SPATA31D3: variants seen among roughly 807,000 people sequenced by gnomAD.
The protein encoded by SPATA31D3 is spermatogenesis-associated protein 31D3.
For missense variants in SPATA31D3, 91 were observed against 297.9 expected, an observed-to-expected ratio of 0.31 and a Z score of 5.11; for synonymous variants, 27 against 107.8, an observed-to-expected ratio of 0.25 and a Z score of 4.65.
chr9:81,947,856 T>G lies in SPATA31D3; in HGVS notation c.2603T>G (p.Ile868Ser), dbSNP rs1278777467. 3 of 1,610,668 alleles carry G rather than the reference T, an allele frequency of 1.9e-6. No individual in the cohort carries two copies. The highest frequency in any genetic ancestry group is 1.3e-5 in the African/African-American group (1 of 74,254). Residue 868 changes from isoleucine (I) to serine (S), a missense_variant, in exon 4 of 4, where the codon ATT becomes AGT. Coordinates refer to ENST00000445385, the MANE Select transcript of SPATA31D3 (RefSeq NM_207416.3). ...ICLPEKSHSQ[I>S]KHRNLAALVS... ...CTTCCTGAGAAATCCCACAGCCAAA[T>G]TAAACATCGAAATTTGGCAGCATTG...
chr9:81,950,030 A>C lies in SPATA31D3; in HGVS notation c.*2023A>C, dbSNP rs562261554. On this transcript the variant is annotated 3_prime_UTR_variant, in exon 4 of 4. Coordinates refer to ENST00000445385, the MANE Select transcript of SPATA31D3 (RefSeq NM_207416.3). Reference sequence around the variant, plus strand: ...TTTGCAGGGAGGAAAATTTCCCCCCAAAAAATAATTAACTCCTTGTTGAGA... The same window carrying C: ...TTTGCAGGGAGGAAAATTTCCCCCCCAAAAATAATTAACTCCTTGTTGAGA... The C allele has an allele frequency of 5.3e-4, 172 of 326,562 alleles. 1 individual carries two copies. In the South Asian group the frequency reaches 7.0e-3, roughly 13 times the overall value. 20.2% of individuals were successfully genotyped at this position (326,562 alleles called of 1,614,324 possible).
chr9:81,947,133 AGAAAGTGCAG>A lies in SPATA31D3; in HGVS notation c.1888_1897del (p.Gln630CysfsTer48). On this transcript the variant is annotated frameshift_variant, in exon 4 of 4. Coordinates refer to ENST00000445385, the MANE Select transcript of SPATA31D3 (RefSeq NM_207416.3). LOFTEE classifies it low-confidence loss of function (END_TRUNC). ...AATCATCTGGAGTGGAACGTGTTGC[AGAAAGTGCAG>A]GAAAGTGTGTGGGGTTTACCCTCTG... 3.9e-6 allele frequency: 1 copy of A among 256,638 alleles called. No individual in the cohort carries two copies. Among genetic ancestry groups the A allele is most frequent in the Non-Finnish European group, 6.4e-6 (1 of 157,072 alleles). 15.9% of individuals were successfully genotyped at this position (256,638 alleles called of 1,614,324 possible).
chr9:81,948,164 G>C lies in SPATA31D3; in HGVS notation c.*157G>C. 7.2e-7 allele frequency: 1 copy of C among 1,393,872 alleles called. No individual in the cohort carries two copies. Among genetic ancestry groups the C allele is most frequent in the South Asian group, 1.3e-5 (1 of 77,976 alleles). 86.3% of individuals were successfully genotyped at this position (1,393,872 alleles called of 1,614,324 possible). A position where few individuals can be genotyped will look rare whatever the true frequency, so the allele number is the denominator to read the frequency against. On this transcript the variant is annotated 3_prime_UTR_variant, in exon 4 of 4. Transcript: ENST00000445385. ...AAAGATGGGGTCTCTAAGTCTTGTA[G>C]ACGAAGCACTTTTCAAGGAGAAAAG...
rs201659948 is a variant in SPATA31D3 at position 81,947,944 on chromosome 9, A to G, written c.2691A>G (p.Gln897=). 6.3e-6 allele frequency: 10 copies of G among 1,598,804 alleles called. No individual in the cohort carries two copies. In the South Asian group the frequency reaches 9.0e-5, roughly 14 times the overall value. Residue 897 remains glutamine (Q), a synonymous_variant, in exon 4 of 4, where the codon CAA becomes CAG. Transcript: ENST00000445385. ...QEMSFLSSNK[Q]KMLEAHIKSF... The stretch of plus-strand genomic sequence containing the variant: ...TGTCCTTCCTTAGTTCCAACAAACA[A>G]AAGATGTTGGAAGCCCATATTAAAT...
chr9:81,949,150 T>C lies in SPATA31D3; in HGVS notation c.*1143T>C, dbSNP rs1331821941. On this transcript the variant is annotated 3_prime_UTR_variant, in exon 4 of 4. Coordinates refer to ENST00000445385, the MANE Select transcript of SPATA31D3 (RefSeq NM_207416.3). ...GGTCCCTACGCATGTCTTACAGAAA[T>C]GCCAAGTTAAGAATTTTTCACCAGC... The C allele has an allele frequency of 5.3e-6, 3 of 566,790 alleles. No homozygotes were observed. The highest frequency in any genetic ancestry group is 3.2e-6 in the Non-Finnish European group (1 of 309,368). 35.1% of individuals were successfully genotyped at this position (566,790 alleles called of 1,614,324 possible). A position where few individuals can be genotyped will look rare whatever the true frequency, so the allele number is the denominator to read the frequency against.
chr9:81,949,741 G>A lies in SPATA31D3; in HGVS notation c.*1734G>A. 7.1e-7 allele frequency: 1 copy of A among 1,407,936 alleles called. No individual in the cohort carries two copies. Among genetic ancestry groups the A allele is most frequent in the South Asian group, 1.2e-5 (1 of 86,698 alleles). The allele number at this position is 1,407,936 out of a possible 1,614,324, so 87.2% of individuals were successfully genotyped here. A position where few individuals can be genotyped will look rare whatever the true frequency, so the allele number is the denominator to read the frequency against. On this transcript the variant is annotated 3_prime_UTR_variant, in exon 4 of 4. Coordinates refer to ENST00000445385, the MANE Select transcript of SPATA31D3 (RefSeq NM_207416.3). The stretch of plus-strand genomic sequence containing the variant: ...ATGTACCAAATCTTGCAGCCAACAA[G>A]CTATCTTTGTCGGCCAGAATTATCC...
Position 81,949,553 on chromosome 9 carries a change from A to C in SPATA31D3, c.*1546A>C. On this transcript the variant is annotated 3_prime_UTR_variant, in exon 4 of 4. Coordinates refer to ENST00000445385, the MANE Select transcript of SPATA31D3 (RefSeq NM_207416.3). Reference sequence around the variant, plus strand: ...AAAGACACTGGGGAGTTCATAGAAGAGAAGCTGGGGCATAGACATTGAATA... The same window carrying C: ...AAAGACACTGGGGAGTTCATAGAAGCGAAGCTGGGGCATAGACATTGAATA... 3.3e-6 allele frequency: 2 copies of C among 598,988 alleles called. No individual in the cohort carries two copies. The highest frequency in any genetic ancestry group is 6.2e-6 in the Non-Finnish European group (2 of 320,836). The allele number at this position is 598,988 out of a possible 1,614,324, so 37.1% of individuals were successfully genotyped here. A position where few individuals can be genotyped will look rare whatever the true frequency, so the allele number is the denominator to read the frequency against.
rs1824007895 is a variant in SPATA31D3 at position 81,949,990 on chromosome 9, A to T, written c.*1983A>T. On this transcript the variant is annotated 3_prime_UTR_variant, in exon 4 of 4. Transcript: ENST00000445385. The stretch of plus-strand genomic sequence containing the variant: ...ATGTGCCTTTACTAACTGGACAGAA[A>T]ATACTTCCAAAGCATTTGCAGGGAG... The T allele has an allele frequency of 2.6e-6, 1 of 383,088 alleles. No individual in the cohort carries two copies. Among genetic ancestry groups the T allele is most frequent in the South Asian group, 6.0e-5 (1 of 16,626 alleles). The allele number at this position is 383,088 out of a possible 1,614,324, so 23.7% of individuals were successfully genotyped here. A position where few individuals can be genotyped will look rare whatever the true frequency, so the allele number is the denominator to read the frequency against.
Position 81,949,785 on chromosome 9 carries a change from C to T in SPATA31D3, c.*1778C>T, listed in dbSNP as rs113151834. 7.6e-7 allele frequency: 1 copy of T among 1,324,320 alleles called. No homozygotes were observed. Among genetic ancestry groups the T allele is most frequent in the Non-Finnish European group, 1.1e-6 (1 of 921,542 alleles). The allele number at this position is 1,324,320 out of a possible 1,614,324, so 82.0% of individuals were successfully genotyped here. A position where few individuals can be genotyped will look rare whatever the true frequency, so the allele number is the denominator to read the frequency against. ...ATTATCCTGCAATGATTAGACAGAT[C>T]ATAGACAAGGACAGATAGCCCCAGG... On this transcript the variant is annotated 3_prime_UTR_variant, in exon 4 of 4. Coordinates refer to ENST00000445385, the MANE Select transcript of SPATA31D3 (RefSeq NM_207416.3).
rs903642129 is a variant in SPATA31D3 at position 81,949,758 on chromosome 9, G to T, written c.*1751G>T. The T allele has an allele frequency of 1.2e-5, 16 of 1,385,278 alleles. No homozygotes were observed. In the African/African-American group the frequency reaches 2.3e-4, roughly 20 times the overall value. The allele number at this position is 1,385,278 out of a possible 1,614,324, so 85.8% of individuals were successfully genotyped here. On this transcript the variant is annotated 3_prime_UTR_variant, in exon 4 of 4. Coordinates refer to ENST00000445385, the MANE Select transcript of SPATA31D3 (RefSeq NM_207416.3). The stretch of plus-strand genomic sequence containing the variant: ...GCCAACAAGCTATCTTTGTCGGCCA[G>T]AATTATCCTGCAATGATTAGACAGA...
In SPATA31D3 at chr9:81,948,044, C is replaced by T. The variant is rs774596726; in HGVS notation, c.*37C>T. On this transcript the variant is annotated 3_prime_UTR_variant, in exon 4 of 4. Coordinates refer to ENST00000445385, the MANE Select transcript of SPATA31D3 (RefSeq NM_207416.3). ...GGCCTTCCCCGCAAGATCCGTGAAC[C>T]CACAGAAATCTTCAAATCAGAAGAG... The T allele has an allele frequency of 3.1e-6, 5 of 1,599,644 alleles. No homozygotes were observed. In the South Asian group the frequency reaches 4.5e-5, roughly 14 times the overall value.
At position 81,949,870 on chromosome 9, in the gene SPATA31D3, G is replaced by A; in HGVS notation, c.*1863G>A. The A allele has an allele frequency of 1.2e-6, 1 of 832,680 alleles. No homozygotes were observed. The highest frequency in any genetic ancestry group is 1.6e-5 in the South Asian group (1 of 61,146). 51.6% of individuals were successfully genotyped at this position (832,680 alleles called of 1,614,324 possible). ...AGGCATCCCCAATCCATGCCCCACAGGAAGCCTGTGCCACAGCCAAACCCC... is the reference window on the plus strand; with the variant it reads ...AGGCATCCCCAATCCATGCCCCACAAGAAGCCTGTGCCACAGCCAAACCCC... On this transcript the variant is annotated 3_prime_UTR_variant, in exon 4 of 4. Transcript: ENST00000445385.
Position 81,949,411 on chromosome 9 carries a change from G to A in SPATA31D3, c.*1404G>A. 8.1e-6 allele frequency: 3 copies of A among 368,804 alleles called. No homozygotes were observed. The South Asian group carries it at 1.0e-4, about 13-fold the overall frequency. 22.8% of individuals were successfully genotyped at this position (368,804 alleles called of 1,614,324 possible). On this transcript the variant is annotated 3_prime_UTR_variant, in exon 4 of 4. Transcript: ENST00000445385. ...GTCTAATAAACCCATCATAACATAT[G>A]GAAAACAAGAAAGTTCCTAGGAAAA...
chr9:81,948,084 C>T lies in SPATA31D3; in HGVS notation c.*77C>T. On this transcript the variant is annotated 3_prime_UTR_variant, in exon 4 of 4. Coordinates refer to ENST00000445385, the MANE Select transcript of SPATA31D3 (RefSeq NM_207416.3). ...AATCAGAAGAGGATATTTCCAATTCCTTTTCCCATTTCTACCTTCCCTCCT... is the reference window on the plus strand; with the variant it reads ...AATCAGAAGAGGATATTTCCAATTCTTTTTCCCATTTCTACCTTCCCTCCT... 1.3e-6 allele frequency: 2 copies of T among 1,550,418 alleles called. No individual in the cohort carries two copies. Among genetic ancestry groups the T allele is most frequent in the East Asian group, 2.3e-5 (1 of 43,316 alleles).
rs1356397740 is a variant in SPATA31D3 at position 81,949,938 on chromosome 9, C to T, written c.*1931C>T. 6 of 561,858 alleles carry T rather than the reference C, an allele frequency of 1.1e-5. No individual in the cohort carries two copies. In the African/African-American group the frequency reaches 1.1e-4, roughly 11 times the overall value. The allele number at this position is 561,858 out of a possible 1,614,324, so 34.8% of individuals were successfully genotyped here. A position where few individuals can be genotyped will look rare whatever the true frequency, so the allele number is the denominator to read the frequency against. ...AACCTGGTGCCTCCGGTCATCCTGACCAGTGCTAAAAACACTGTGTTCAGT... is the reference window on the plus strand; with the variant it reads ...AACCTGGTGCCTCCGGTCATCCTGATCAGTGCTAAAAACACTGTGTTCAGT... On this transcript the variant is annotated 3_prime_UTR_variant, in exon 4 of 4. Coordinates refer to ENST00000445385, the MANE Select transcript of SPATA31D3 (RefSeq NM_207416.3).
rs200004571 is a variant in SPATA31D3 at position 81,948,235 on chromosome 9, G to C, written c.*228G>C. ...CCCTGTCCTTAATCATCCTCAGCCT[G>C]TCTCCTCACCTATTGGCAAAGAAGG... is the stretch of plus-strand genomic sequence containing the variant. On this transcript the variant is annotated 3_prime_UTR_variant, in exon 4 of 4. Coordinates refer to ENST00000445385, the MANE Select transcript of SPATA31D3 (RefSeq NM_207416.3). 0.012 allele frequency: 7,691 copies of C among 625,786 alleles called. 132 individuals are homozygous for C. The highest frequency in any genetic ancestry group is 0.016 in the Non-Finnish European group (5,989 of 371,998). The allele number at this position is 625,786 out of a possible 1,614,324, so 38.8% of individuals were successfully genotyped here.
At position 81,949,945 on chromosome 9, in the gene SPATA31D3, T is replaced by G; in HGVS notation, c.*1938T>G. 1.9e-6 allele frequency: 1 copy of G among 538,826 alleles called. No individual in the cohort carries two copies. Among genetic ancestry groups the G allele is most frequent in the Non-Finnish European group, 3.4e-6 (1 of 295,150 alleles). The allele number at this position is 538,826 out of a possible 1,614,324, so 33.4% of individuals were successfully genotyped here. On this transcript the variant is annotated 3_prime_UTR_variant, in exon 4 of 4. Transcript: ENST00000445385. ...TGCCTCCGGTCATCCTGACCAGTGC[T>G]AAAAACACTGTGTTCAGTGATGTGC...
At position 81,949,564 on chromosome 9, in the gene SPATA31D3, C is replaced by T. The variant is rs1177011206; in HGVS notation, c.*1557C>T. 3 of 610,472 alleles carry T rather than the reference C, an allele frequency of 4.9e-6. No individual in the cohort carries two copies. Among genetic ancestry groups the T allele is most frequent in the Non-Finnish European group, 6.1e-6 (2 of 327,236 alleles). The allele number at this position is 610,472 out of a possible 1,614,324, so 37.8% of individuals were successfully genotyped here. On this transcript the variant is annotated 3_prime_UTR_variant, in exon 4 of 4. Coordinates refer to ENST00000445385, the MANE Select transcript of SPATA31D3 (RefSeq NM_207416.3). The stretch of plus-strand genomic sequence containing the variant: ...GGAGTTCATAGAAGAGAAGCTGGGG[C>T]ATAGACATTGAATAGATATCACCTG...
rs1482452556 is a variant in SPATA31D3 at position 81,949,837 on chromosome 9, T to G, written c.*1830T>G. 2 of 1,036,416 alleles carry G rather than the reference T, an allele frequency of 1.9e-6. No individual in the cohort carries two copies. The highest frequency in any genetic ancestry group is 1.8e-5 in the Admixed American group (1 of 55,152). 64.2% of individuals were successfully genotyped at this position (1,036,416 alleles called of 1,614,324 possible). A position where few individuals can be genotyped will look rare whatever the true frequency, so the allele number is the denominator to read the frequency against. On this transcript the variant is annotated 3_prime_UTR_variant, in exon 4 of 4. Coordinates refer to ENST00000445385, the MANE Select transcript of SPATA31D3 (RefSeq NM_207416.3). ...AGTTGGACATTTAAGGGGAAGATATTGTGTCAAAGGCATCCCCAATCCATG... is the reference window on the plus strand; with the variant it reads ...AGTTGGACATTTAAGGGGAAGATATGGTGTCAAAGGCATCCCCAATCCATG...
Sources: gnomAD v4.1 joint callset for allele counts on GRCh38, gnomAD v4.1.1 for gene constraint, MANE v1.5 for transcripts, NCBI Gene and HGNC (gene_info 2026-07-23, HGNC 2026-07-21) for gene names.